Variants in CFAP97 observed in about 807,000 individuals in gnomAD.
CFAP97 encodes cilia and flagella associated protein 97.
CFAP97 carries 36 observed loss-of-function variants against 43.1 expected under a neutral mutation model. That is an observed-to-expected ratio of 0.84 (90% CI 0.64 to 1.10). The LOEUF is 1.10. Among genes scored for constraint, CFAP97 ranks in the 50% least tolerant of loss-of-function variants. CFAP97 has a pLI of 0.00. For synonymous variants in CFAP97, 228 were observed against 225.7 expected, an observed-to-expected ratio of 1.01 and a Z score of -0.09; for missense variants, 657 against 620.3, an observed-to-expected ratio of 1.06 and a Z score of -0.63.
chr4:185,175,911 A>G lies in CFAP97; in HGVS notation c.1195T>C (p.Ser399Pro), dbSNP rs1402013057. 1 of 1,613,720 alleles carries G rather than the reference A, an allele frequency of 6.2e-7. No homozygotes were observed. ...RENQRLLKEL[S>P]RQAEKPGSKS... ...CTTCCCGGCTTTTCCGCCTGTCTTG[A>G]CAGTTCTTTCAAAAGCCTCTGATTT... Residue 399 changes from serine to proline, a missense_variant, in exon 3 of 5, where the codon TCA becomes CCA. Physicochemically the swap from Ser to Pro is moderately conservative, Grantham distance 74 (BLOSUM62 -1). Transcript: ENST00000458385.
At chr4:185,183,400 G>T (rs191946311) in intron 2 of CFAP97, among the ~76,000 whole-genome samples, 2 of 152,314 alleles carry the variant, frequency 1.3e-5, no homozygotes. Flanking sequence ...GTTCCAGGAA[G>T]TAGAAAAGGC....
chr4:185,172,329 T>C (rs892180588), intron 3 of CFAP97, among the ~76,000 whole-genome samples: 2 of 152,226 alleles, frequency 1.3e-5, no homozygotes, highest in African/African-American at 4.8e-5. Context: ...AATGATGATC[T>C]TGAACCTCAT....
At chr4:185,194,422 G>C (rs11934524) in intron 1 of CFAP97, among the ~76,000 whole-genome samples, 34 of 152,362 alleles carry the variant, frequency 2.2e-4, no homozygotes, top group African/African-American at 8.2e-4. Flanking sequence ...GCAGGAGGCA[G>C]AAGTTGCAGT....
chr4:185,203,254 G>A (rs562057129), intron 1 of CFAP97, among the ~76,000 whole-genome samples: 2 of 152,334 alleles, frequency 1.3e-5, no homozygotes, highest in Admixed American at 1.3e-4. Flanking sequence ...AGCTGCCTGA[G>A]AGTCACTGGG....
rs1737343140 is a variant in CFAP97, at chr4:185,209,055, G to A, written c.-74+270C>T. 6.6e-6 allele frequency among the ~76,000 whole-genome samples: 1 copy of A among 152,204 alleles called. No homozygotes were observed. ...GGAGCCAAAGTGATTATGGGCAGCT[G>A]CGTGCACCCTGTTGCACCAGGCCGA... On this transcript the variant is annotated intron_variant, in intron 1 of 2. Coordinates refer to the CFAP97 transcript ENST00000503223. The surrounding 1 kb of genome is among the most constrained non-coding windows in gnomAD (Gnocchi z 5.2).
chr4:185,184,147 C>T (rs1321812473), intron 2 of CFAP97, among the ~76,000 whole-genome samples: 2 of 152,132 alleles, frequency 1.3e-5, no homozygotes, highest in Non-Finnish European at 2.9e-5. Context: ...ACGGGTATCA[C>T]CAGTAGGGGC....
intron 1 of CFAP97, among the ~76,000 whole-genome samples, chr4:185,193,445 G>A (rs549834121): frequency 6.6e-6 from 1 of 152,214 alleles, no homozygotes; most frequent in South Asian, 2.1e-4. Flanking sequence ...AGGAGTTCGA[G>A]ACTACTCTGG....
intron 1 of CFAP97, among the ~76,000 whole-genome samples, chr4:185,203,242 A>T (rs1198869671): frequency 1.3e-5 from 2 of 152,256 alleles, no homozygotes; most frequent in Non-Finnish European, 2.9e-5. Flanking sequence ...AGTTTTTATC[A>T]AAGCTGCCTG....
At chr4:185,179,587 T>TG (rs1240305333) in intron 2 of CFAP97, among the ~76,000 whole-genome samples, 1 of 152,134 alleles carries the variant, frequency 6.6e-6, no homozygotes, top group Non-Finnish European at 1.5e-5. Context: ...CCAGGCCACA[T>TG]GGAGAACCCC....
chr4:185,199,314 T>C (rs1006156609), intron 1 of CFAP97, among the ~76,000 whole-genome samples: 1 of 151,962 alleles, frequency 6.6e-6, no homozygotes, highest in Non-Finnish European at 1.5e-5. Context: ...CAGGTTGCAG[T>C]GAGCCGCGAT....
rs1735784431 is a variant in CFAP97 at position 185,181,440 on chromosome 4, C to T, written c.1055-5389G>A. ...TCCCAGGTTCAAGCCATTCTCCTGC[C>T]TCAGCCTCCCGAGTAGCTGGGATTA... On this transcript the variant is annotated intron_variant, in intron 2 of 4. Coordinates refer to ENST00000458385, the MANE Select transcript of CFAP97 (RefSeq NM_020827.3). 2.6e-5 allele frequency among the ~76,000 whole-genome samples: 4 copies of T among 151,080 alleles called. No individual in the cohort carries two copies. In the South Asian group the frequency reaches 8.4e-4, roughly 32 times the overall value.
chr4:185,190,980 C>T lies in CFAP97; in HGVS notation c.217G>A (p.Val73Met), dbSNP rs201429958. 110 of 1,613,652 alleles carry T rather than the reference C, an allele frequency of 6.8e-5. No homozygotes were observed. The African/African-American group carries it at 8.3e-4, about 12-fold the overall frequency. The change falls in exon 2 of 5, where the codon GTG (valine) becomes ATG (methionine). Residue 73 changes from valine to methionine, a missense_variant. By Grantham distance (21) the Val-to-Met change is conservative. Transcript: ENST00000458385. ...YLTEKGNERN[V>M]KFPPEHPVEN... ...ACGGGGTGTTCTGGGGGAAATTTCA[C>T]GTTTCTTTCATTTCCCTTCTCAGTA...
rs1737374334 is a variant in CFAP97 at position 185,209,459 on chromosome 4, G to T, written c.-208C>A. On this transcript the variant is annotated 5_prime_UTR_variant, in exon 1 of 3. Transcript: ENST00000503223. This position sits in a 1 kb window ranked among gnomAD's most constrained non-coding sequence, Gnocchi z 5.2. ...GCTGGGTCGCGCCCTCTCCCCGTGGGGCCCCGGCCCGGACCCCGCCCCCGC... is the reference window on the plus strand; with the variant it reads ...GCTGGGTCGCGCCCTCTCCCCGTGGTGCCCCGGCCCGGACCCCGCCCCCGC... The T allele has an allele frequency of 6.6e-6, 1 of 152,300 alleles. No homozygotes were observed. Among genetic ancestry groups the T allele is most frequent in the South Asian group, 2.1e-4 (1 of 4,840 alleles). 9.4% of individuals were successfully genotyped at this position (152,300 alleles called of 1,614,324 possible).
In CFAP97 at chr4:185,202,022, A is replaced by C. The variant is rs1005037834; in HGVS notation, c.-17+1876T>G. Among the ~76,000 whole-genome samples, 36 of 131,974 alleles carry C rather than the reference A, an allele frequency of 2.7e-4. 1 individual carries two copies. Among genetic ancestry groups the C allele is most frequent in the African/African-American group, 8.9e-4 (34 of 38,326 alleles). 86.6% of individuals were successfully genotyped at this position (131,974 alleles called of 152,430 possible). On this transcript the variant is annotated intron_variant, in intron 1 of 4. Transcript: ENST00000458385. ...CCAGCTGCAGACCCAGCTAAAGGAA[A>C]AAGGATTTTTGTTTTTCCCCCCATC...
chr4:185,181,958 C>T (rs1039445248), intron 2 of CFAP97, among the ~76,000 whole-genome samples: 1 of 152,162 alleles, frequency 6.6e-6, no homozygotes, highest in Non-Finnish European at 1.5e-5. Context: ...ACGTTGGTAT[C>T]ACTTTAGCAA....
intron 3 of CFAP97, among the ~76,000 whole-genome samples, chr4:185,167,168 T>A (rs900228656): frequency 6.6e-6 from 1 of 152,008 alleles, no homozygotes; most frequent in Non-Finnish European, 1.5e-5. Flanking sequence ...ATGCAAAAGT[T>A]AAAAAACAAC....
At chr4:185,176,115 T>C in intron 2 of CFAP97, 64 bp from the exon 3 acceptor site, 1 of 1,295,838 alleles carries the variant, frequency 7.7e-7, no homozygotes, top group South Asian at 1.6e-5. Flanking sequence ...CATGCTTTTT[T>C]TTTTTTTCTC....
chr4:185,167,195 A>T (rs1735105563), intron 3 of CFAP97, among the ~76,000 whole-genome samples: 1 of 152,158 alleles, frequency 6.6e-6, no homozygotes, highest in African/African-American at 2.4e-5. Flanking sequence ...GGCTGGGTGC[A>T]GTGGCTTACA....
In CFAP97 at chr4:185,170,227, T is replaced by G. The variant is rs560068594; in HGVS notation, c.1320+5559A>C. The G allele has an allele frequency of 4.7e-6, 3 of 635,942 alleles. No homozygotes were observed. The South Asian group carries it at 5.4e-5, about 11-fold the overall frequency. The allele number at this position is 635,942 out of a possible 1,614,324, so 39.4% of individuals were successfully genotyped here. A position where few individuals can be genotyped will look rare whatever the true frequency, so the allele number is the denominator to read the frequency against. On this transcript the variant is annotated intron_variant, in intron 3 of 4. Transcript: ENST00000458385. ...TGGGTGTGGTGGTGTAAGCCTGTAG[T>G]TCCAGTTACTTGGGAGGCCGAGGCA...
Sources: gnomAD v4.1 joint callset for allele counts (sites outside exome capture counted in the v4.1 genomes callset) on GRCh38, gnomAD v4.1.1 for gene constraint, Gnocchi (gnomAD v3.1) non-coding constraint, MANE v1.5 for transcripts, NCBI Gene and HGNC (gene_info 2026-07-23, HGNC 2026-07-21) for gene names.